SNX6: variants seen among roughly 807,000 people sequenced by gnomAD.
SNX6 encodes the protein sorting nexin-6.
In SNX6, 34 loss-of-function variants were observed where a neutral mutation model predicts 63.0. That is an observed-to-expected ratio of 0.54 (90% CI 0.41 to 0.72). The LOEUF (loss-of-function observed/expected upper bound fraction) is 0.72. Among genes scored for constraint, SNX6 ranks in the 30% least tolerant of loss-of-function variants. The pLI, the probability that SNX6 is intolerant of heterozygous loss-of-function variation, is 0.00. For synonymous variants in SNX6, 170 were observed against 164.2 expected (o/e 1.04, Z -0.27); for missense variants, 398 against 471.4 (o/e 0.84, Z 1.44).
At position 34,609,572 on chromosome 14, in the gene SNX6, G is replaced by A. The variant is rs1225674860; in HGVS notation, c.159+66C>T. Reference sequence around the variant, plus strand: ...CAATTATGTTTAAAACCCAAGTCTGGTCAACATATCACATATGTAGTATAA... The same window carrying A: ...CAATTATGTTTAAAACCCAAGTCTGATCAACATATCACATATGTAGTATAA... On this transcript the variant is annotated intron_variant, in intron 3 of 13. Coordinates refer to ENST00000362031, the MANE Select transcript of SNX6 (RefSeq NM_152233.4). The A allele has an allele frequency of 3.2e-5, 27 of 849,708 alleles. No homozygotes were observed. The East Asian group carries it at 7.0e-4, about 22-fold the overall frequency. 52.6% of individuals were successfully genotyped at this position (849,708 alleles called of 1,614,324 possible).
chr14:34,579,672 T>C (rs988910832), intron 10 of SNX6, among the ~76,000 whole-genome samples: 1 of 151,832 alleles, frequency 6.6e-6, no homozygotes, highest in Non-Finnish European at 1.5e-5. Context: ...ATGAATATAA[T>C]GTTGAGTACA....
At chr14:34,615,006 T>C (rs1883365542) in intron 2 of SNX6, among the ~76,000 whole-genome samples, 1 of 152,212 alleles carries the variant, frequency 6.6e-6, no homozygotes, top group Non-Finnish European at 1.5e-5. Flanking sequence ...GATATCTACA[T>C]TTGAGAAGAT....
chr14:34,567,428 A>C (rs1881236985), intron 13 of SNX6, among the ~76,000 whole-genome samples: 1 of 152,178 alleles, frequency 6.6e-6, no homozygotes, highest in Admixed American at 6.6e-5. Context: ...CAGAGGTTGC[A>C]GTGAACTGAG....
intron 4 of SNX6, among the ~76,000 whole-genome samples, chr14:34,607,796 T>A (rs1465611761): frequency 1.3e-5 from 2 of 151,688 alleles, no homozygotes; most frequent in African/African-American, 4.8e-5. Context: ...TAATCCCAGC[T>A]ACTTGGGAGG....
Position 34,593,133 on chromosome 14 carries a change from A to G in SNX6, c.630T>C (p.Phe210=). The change falls in exon 8 of 14, where the codon TTT becomes TTC. Residue 210 remains phenylalanine (F), a synonymous_variant. Coordinates refer to ENST00000362031, the MANE Select transcript of SNX6 (RefSeq NM_152233.4). The part of the protein sequence containing the change: ...VSGVKDVDDF[F]EHERTFLLEY... ...CCAAAAGAAATGTTCGTTCGTGCTC[A>G]AAGAAATCATCTACATCCTATAAGA... is the stretch of plus-strand genomic sequence containing the variant. 1.2e-6 allele frequency: 2 copies of G among 1,603,842 alleles called. No individual in the cohort carries two copies. The highest frequency in any genetic ancestry group is 1.7e-6 in the Non-Finnish European group (2 of 1,176,018).
chr14:34,575,519 G>A (rs1881657320), intron 11 of SNX6: 1 of 206,256 alleles, frequency 4.8e-6, no homozygotes, highest in African/African-American at 2.4e-5. Context: ...TTTTTTTAAA[G>A]TTCTAGATTA....
intron 6 of SNX6, among the ~76,000 whole-genome samples, chr14:34,598,989 T>C (rs1011205670): frequency 6.6e-6 from 1 of 152,140 alleles, no homozygotes; most frequent in Non-Finnish European, 1.5e-5. Flanking sequence ...TGAGGGAATG[T>C]TACCCTCTTG....
chr14:34,628,521 TG>T (rs1383117253), intron 2 of SNX6, among the ~76,000 whole-genome samples: 4 of 151,870 alleles, frequency 2.6e-5, no homozygotes, highest in African/African-American at 9.7e-5. Context: ...CCCAGCTACT[TG>T]GGAGGCTGAG....
intron 2 of SNX6, among the ~76,000 whole-genome samples, chr14:34,617,503 A>G (rs1883460736): frequency 6.7e-6 from 1 of 148,714 alleles, no homozygotes; most frequent in South Asian, 2.2e-4. Context: ...AGCTGGGTGT[A>G]ATGGTGCACA....
chr14:34,588,167 C>T (rs1453762179), intron 8 of SNX6, among the ~76,000 whole-genome samples: 1 of 151,952 alleles, frequency 6.6e-6, no homozygotes, highest in Non-Finnish European at 1.5e-5. Flanking sequence ...GCCACCACGC[C>T]CAGCTAATTT....
intron 7 of SNX6, among the ~76,000 whole-genome samples, chr14:34,593,700 T>C (rs544567786): frequency 4.0e-4 from 60 of 151,660 alleles, no homozygotes; most frequent in African/African-American, 1.4e-3. Flanking sequence ...GCCTCCTGAG[T>C]AGCTGAGACT....
At chr14:34,594,031 T>C (rs555859173) in intron 7 of SNX6, among the ~76,000 whole-genome samples, 90 of 152,240 alleles carry the variant, frequency 5.9e-4, no homozygotes, top group African/African-American at 2.0e-3. Context: ...GCCTCACATA[T>C]TGTACTCTGA....
intron 2 of SNX6, among the ~76,000 whole-genome samples, chr14:34,611,300 A>T (rs923160035): frequency 6.6e-6 from 1 of 151,700 alleles, no homozygotes; most frequent in Non-Finnish European, 1.5e-5. Context: ...AACACGGCAA[A>T]ACCCCATCTC....
intron 10 of SNX6, among the ~76,000 whole-genome samples, chr14:34,577,249 A>AT (rs1881747837): frequency 1.3e-5 from 2 of 150,926 alleles, no homozygotes; most frequent in Admixed American, 6.7e-5. Context: ...AGCTTGGCTA[A>AT]TTTTTTTGTA....
At position 34,592,268 on chromosome 14, in the gene SNX6, C is replaced by A. The variant is rs1253943005; in HGVS notation, c.718+777G>T. 2.0e-5 allele frequency among the ~76,000 whole-genome samples: 3 copies of A among 152,110 alleles called. No homozygotes were observed. In the South Asian group the frequency reaches 6.2e-4, roughly 32 times the overall value. ...AGGCGCGGTGGCAGGTGCCTGTAAT[C>A]CCAGCTACTTGGGAGGCTGAGGCAG... On this transcript the variant is annotated intron_variant, in intron 8 of 13. Coordinates refer to ENST00000362031, the MANE Select transcript of SNX6 (RefSeq NM_152233.4).
At chr14:34,625,256 T>TA (rs965696311) in intron 2 of SNX6, among the ~76,000 whole-genome samples, 1 of 152,078 alleles carries the variant, frequency 6.6e-6, no homozygotes, top group African/African-American at 2.4e-5. Flanking sequence ...TGATCTAAAC[T>TA]AAAAATGCAA....
At chr14:34,571,750 T>A (rs1881462483) in intron 11 of SNX6, among the ~76,000 whole-genome samples, 1 of 152,202 alleles carries the variant, frequency 6.6e-6, no homozygotes, top group Non-Finnish European at 1.5e-5. Context: ...TATGGCTATA[T>A]AACAATGTGT....
At chr14:34,629,709 C>T (rs1488544487) in intron 2 of SNX6, 198 bp downstream of exon 2, 2 of 900,626 alleles carry the variant, frequency 2.2e-6, no homozygotes, top group African/African-American at 1.7e-5. Flanking sequence ...GCCGCGGGTC[C>T]CCGGGAATCG....
chr14:34,570,737 T>G (rs893973056), intron 11 of SNX6, among the ~76,000 whole-genome samples: 10 of 140,644 alleles, frequency 7.1e-5, no homozygotes, highest in African/African-American at 2.5e-4. Flanking sequence ...TTTTTTTTTT[T>G]TTTTGAGATG....
Sources: gnomAD v4.1 joint callset for allele counts (sites outside exome capture counted in the v4.1 genomes callset) on GRCh38, gnomAD v4.1.1 for gene constraint, MANE v1.5 for transcripts, NCBI Gene and HGNC (gene_info 2026-07-23, HGNC 2026-07-21) for gene names.